CACNA1E: variants seen among roughly 807,000 people sequenced by gnomAD.
CACNA1E encodes calcium voltage-gated channel subunit alpha1 E.
CACNA1E carries 40 observed loss-of-function variants against 259.2 expected under a neutral mutation model. That is an observed-to-expected ratio of 0.15 (90% confidence interval 0.12 to 0.20). CACNA1E has a LOEUF of 0.20. Ranked by LOEUF, CACNA1E falls within the 10% of genes least tolerant of loss-of-function variation. The probability of loss-of-function intolerance (pLI) is 1.00; values close to 1 mark genes in which losing one functional copy is unlikely to be tolerated. For missense variants in CACNA1E, 1,874 were observed against 3,040.1 expected (o/e 0.62, Z 9.02); for synonymous variants, 1,104 against 1,138.5 (o/e 0.97, Z 0.61).
At chr1:181,538,368 A>C (rs546369379) in intron 3 of CACNA1E, among the ~76,000 whole-genome samples, 1 of 152,346 alleles carries the variant, frequency 6.6e-6, no homozygotes, top group East Asian at 1.9e-4. Flanking sequence ...ATTTTTATAC[A>C]TGCTGCATGA....
rs147923834 is a variant in CACNA1E at position 181,418,715 on chromosome 1, T to G, written c.434+5135T>G. Among the ~76,000 whole-genome samples, 637 of 152,266 alleles carry G rather than the reference T, an allele frequency of 4.2e-3. 5 individuals are homozygous for G. The highest frequency in any genetic ancestry group is 0.013 in the African/African-American group (560 of 41,538). On this transcript the variant is annotated intron_variant, in intron 2 of 11. Transcript: ENST00000524607. ...GGGGCCAGAAATGTTGAAGTCATTT[T>G]GATTCTCACATTGACACTCAATTCT...
chr1:181,783,549 AG>A, intron 39 of CACNA1E, 129 bp from the exon 40 acceptor site: 1 of 584,214 alleles, frequency 1.7e-6, no homozygotes. Flanking sequence ...GGACTGGGGC[AG>A]GGGATGGGGA....
chr1:181,579,943 G>T (rs1651359211), intron 5 of CACNA1E, among the ~76,000 whole-genome samples: 1 of 152,066 alleles, frequency 6.6e-6, no homozygotes. Context: ...AGATTGTTAG[G>T]GTACACAACC....
intron 26 of CACNA1E, among the ~76,000 whole-genome samples, chr1:181,750,800 G>T (rs1241580360): frequency 6.6e-6 from 1 of 152,198 alleles, no homozygotes; most frequent in Admixed American, 6.5e-5. Context: ...AAGGCTTTTG[G>T]ATTATTTATA....
At chr1:181,636,337 G>A (rs1399888918) in intron 6 of CACNA1E, among the ~76,000 whole-genome samples, 1 of 152,162 alleles carries the variant, frequency 6.6e-6, no homozygotes, top group Admixed American at 6.5e-5. Flanking sequence ...AAAGGTTATA[G>A]TACTAGTTTC....
rs1476641632 is a variant in CACNA1E, at chr1:181,510,553, G to T, written c.343G>T (p.Asp115Tyr). The T allele has an allele frequency of 6.2e-7, 1 of 1,613,298 alleles. No homozygotes were observed. The highest frequency in any genetic ancestry group is 8.5e-7 in the Non-Finnish European group (1 of 1,179,368). The change falls in exon 2 of 48, where the codon GAT becomes TAT. Residue 115 changes from aspartate to tyrosine, a missense_variant. This residue lies in a region of CACNA1E where 55 missense variants were observed against 156.5 expected (regional missense o/e 0.35). Transcript: ENST00000367573. ...VLALEQHLPE[D>Y]DKTPMSRRLE... Reference sequence around the variant, plus strand: ...GGCCCTGGAGCAGCATCTTCCTGAGGATGACAAGACCCCCATGTCCCGAAG... The same window carrying T: ...GGCCCTGGAGCAGCATCTTCCTGAGTATGACAAGACCCCCATGTCCCGAAG...
At chr1:181,533,062 A>G (rs1667901167) in intron 3 of CACNA1E, among the ~76,000 whole-genome samples, 1 of 152,050 alleles carries the variant, frequency 6.6e-6, no homozygotes, top group Non-Finnish European at 1.5e-5. Flanking sequence ...TAGGAAAAAT[A>G]AGTTGGTTAC....
chr1:181,323,996 G>A (rs943675050), intron 1 of CACNA1E, among the ~76,000 whole-genome samples: 2 of 152,244 alleles, frequency 1.3e-5, no homozygotes, highest in Admixed American at 6.5e-5. Flanking sequence ...GGCTTGGGGG[G>A]CAAAGCCCCT....
intron 38 of CACNA1E, among the ~76,000 whole-genome samples, chr1:181,777,974 C>A (rs1263806973): frequency 6.6e-6 from 1 of 152,202 alleles, no homozygotes; most frequent in East Asian, 1.9e-4. Flanking sequence ...ATCTTGGGAT[C>A]CAAATGCTGT....
intron 6 of CACNA1E, among the ~76,000 whole-genome samples, chr1:181,626,482 T>C (rs1656213317): frequency 1.3e-5 from 2 of 152,194 alleles, no homozygotes; most frequent in Admixed American, 1.3e-4. Flanking sequence ...TTACTCAGCC[T>C]CTCTCAGGGC....
chr1:181,733,047 C>T lies in CACNA1E; in HGVS notation c.2948+13C>T. On this transcript the variant is annotated intron_variant, in intron 20 of 47. Coordinates refer to ENST00000367573, the MANE Select transcript of CACNA1E (RefSeq NM_001205293.3). ...AGGATTTAAGGAGGTGAGTGAGTCA[C>T]AGGGCTCCCAGATGGATGGCACACA... 6.4e-7 allele frequency: 1 copy of T among 1,571,900 alleles called. No homozygotes were observed. Among genetic ancestry groups the T allele is most frequent in the South Asian group, 1.2e-5 (1 of 84,178 alleles).
At chr1:181,730,095 G>A (rs1203537726) in intron 18 of CACNA1E, among the ~76,000 whole-genome samples, 1 of 152,248 alleles carries the variant, frequency 6.6e-6, no homozygotes, top group African/African-American at 2.4e-5. Flanking sequence ...GACACCCAGA[G>A]TGGGCCTCAG....
intron 24 of CACNA1E, 81 bp downstream of exon 24, chr1:181,738,507 G>T: frequency 8.9e-7 from 1 of 1,124,708 alleles, no homozygotes; most frequent in Non-Finnish European, 1.3e-6. Context: ...CCCTTCCTCA[G>T]TGTTACCACC....
At chr1:181,367,500 G>A (rs1386081973) in intron 1 of CACNA1E, among the ~76,000 whole-genome samples, 1 of 150,162 alleles carries the variant, frequency 6.7e-6, no homozygotes, top group Non-Finnish European at 1.5e-5. Context: ...TAAAAATAAA[G>A]CTTGAAACTT....
chr1:181,612,871 T>C (rs1025787224), intron 6 of CACNA1E, among the ~76,000 whole-genome samples: 3 of 152,266 alleles, frequency 2.0e-5, no homozygotes, highest in Admixed American at 6.5e-5. Context: ...CTAGAAGTTT[T>C]ATTGGTTTAT....
At chr1:181,466,331 C>A (rs1030863437) in intron 2 of CACNA1E, among the ~76,000 whole-genome samples, 1 of 151,876 alleles carries the variant, frequency 6.6e-6, no homozygotes, top group Non-Finnish European at 1.5e-5. Flanking sequence ...TCACTTGAAG[C>A]CAGGAGTTTG....
rs80236609 is a variant in CACNA1E at position 181,501,192 on chromosome 1, A to G, written c.267-9285A>G. Among the ~76,000 whole-genome samples the G allele has an allele frequency of 1.3e-3, 197 of 152,304 alleles. 2 individuals carry two copies. The highest frequency in any genetic ancestry group is 2.5e-3 in the Non-Finnish European group (170 of 68,022). ...CTGTGTGTTGAATGACAGCGTTTTG[A>G]GTCCAGGATCCAGTCACACGCAAAA... On this transcript the variant is annotated intron_variant, in intron 1 of 47. Coordinates refer to ENST00000367573, the MANE Select transcript of CACNA1E (RefSeq NM_001205293.3).
intron 7 of CACNA1E, among the ~76,000 whole-genome samples, chr1:181,653,439 G>A (rs577346046): frequency 1.3e-5 from 2 of 152,274 alleles, no homozygotes; most frequent in South Asian, 4.1e-4. Context: ...TTCACCTTCT[G>A]CCATGATTGT....
intron 1 of CACNA1E, among the ~76,000 whole-genome samples, chr1:181,392,337 C>T (rs1571749772): frequency 6.6e-6 from 1 of 152,086 alleles, no homozygotes; most frequent in South Asian, 2.1e-4. Context: ...TGGTTCAAAC[C>T]TCACCTCTTC....
Sources: allele counts gnomAD v4.1 joint callset (sites outside exome capture counted in the v4.1 genomes callset), GRCh38; gene constraint gnomAD v4.1.1; regional missense constraint gnomAD v4.1.1; transcripts MANE v1.5; gene names NCBI Gene and HGNC (gene_info 2026-07-23, HGNC 2026-07-21).